Variants in STAC observed in about 807,000 individuals in gnomAD.
The protein encoded by STAC is SH3 and cysteine-rich domain-containing protein.
In STAC, 43 loss-of-function variants were observed where a neutral mutation model predicts 48.8. The ratio of observed to expected loss-of-function variants is 0.88; its 90% CI spans 0.69 to 1.14. STAC has a LOEUF of 1.14. Ranked by LOEUF, STAC falls within the 50% of genes most tolerant of loss-of-function variation. The pLI, the probability that STAC is intolerant of heterozygous loss-of-function variation, is 0.00. For missense variants in STAC, 497 were observed against 504.0 expected, an observed-to-expected ratio of 0.99 and a Z score of 0.13; for synonymous variants, 193 against 179.5, an observed-to-expected ratio of 1.07 and a Z score of -0.60.
chr3:36,443,553 C>G lies in STAC; in HGVS notation c.301C>G (p.Leu101Val). ...GACGTCCACACCCGCCAGGGCTGGT[C>G]TGCATCCAGGTGGCAAGGCTCATGC... The part of the protein sequence containing the change: ...SLTSTPARAG[L>V]HPGGKAHAFQ... Residue 101 changes from leucine to valine, a missense_variant, in exon 2 of 11, where the codon CTG becomes GTG. Physicochemically the swap from Leu to Val is conservative, Grantham distance 32. Coordinates refer to ENST00000273183, the MANE Select transcript of STAC (RefSeq NM_003149.3). This position sits in a 1 kb window ranked among gnomAD's most constrained non-coding sequence, Gnocchi z 4.2. 1 of 1,614,216 alleles carries G rather than the reference C, an allele frequency of 6.2e-7. No individual in the cohort carries two copies. Among genetic ancestry groups the G allele is most frequent in the South Asian group, 1.1e-5 (1 of 91,074 alleles).
intron 8 of STAC, among the ~76,000 whole-genome samples, chr3:36,509,263 C>G (rs139043845): frequency 4.5e-3 from 682 of 151,438 alleles, no homozygotes; most frequent in African/African-American, 0.01. Context: ...CTTCTGGCTT[C>G]TAGGGTTTCT....
rs899202766 is a variant in STAC, at chr3:36,463,431, T to G, written c.389-19561T>G. 2.6e-5 allele frequency among the ~76,000 whole-genome samples: 4 copies of G among 152,084 alleles called. 1 individual carries two copies. The highest frequency in any genetic ancestry group is 9.7e-5 in the African/African-American group (4 of 41,430). On this transcript the variant is annotated intron_variant, in intron 2 of 10. Transcript: ENST00000273183. ...TGGCTCTAAAATCCATCCAAAATCC[T>G]GAAACACAAGAAGCATACGTCTGTG...
chr3:36,469,795 T>C (rs997935241), intron 2 of STAC, among the ~76,000 whole-genome samples: 1 of 152,038 alleles, frequency 6.6e-6, no homozygotes, highest in Non-Finnish European at 1.5e-5. Context: ...CTTTGATGGA[T>C]TGGGTTAATT....
At chr3:36,411,190 TACC>T (rs1700186552) in intron 1 of STAC, among the ~76,000 whole-genome samples, 1 of 152,146 alleles carries the variant, frequency 6.6e-6, no homozygotes, top group South Asian at 2.1e-4. Context: ...TTCCAGAACA[TACC>T]ACTTCTTACC....
intron 1 of STAC, among the ~76,000 whole-genome samples, chr3:36,435,523 GAA>G (rs150618934): frequency 1.4e-5 from 2 of 147,350 alleles, no homozygotes; most frequent in Admixed American, 1.3e-4. Flanking sequence ...AAACATGACA[GAA>G]AAAAAAAACT....
intron 5 of STAC, among the ~76,000 whole-genome samples, chr3:36,487,355 C>G (rs1697841153): frequency 6.6e-6 from 1 of 152,212 alleles, no homozygotes; most frequent in African/African-American, 2.4e-5. Context: ...ATGTGGCTAT[C>G]CTCAAAGCCA....
chr3:36,431,148 G>T (rs1424750886), intron 1 of STAC, among the ~76,000 whole-genome samples: 1 of 152,116 alleles, frequency 6.6e-6, no homozygotes, highest in African/African-American at 2.4e-5. Context: ...TCAGAATCTA[G>T]AGAGCTCTAT....
chr3:36,421,580 C>T (rs998901257), intron 1 of STAC, among the ~76,000 whole-genome samples: 9 of 152,136 alleles, frequency 5.9e-5, no homozygotes, highest in Non-Finnish European at 1.2e-4. Flanking sequence ...TTTGGGTCTT[C>T]TTTCTTCATT....
chr3:36,503,556 C>T (rs1247660014), intron 6 of STAC, among the ~76,000 whole-genome samples: 3 of 152,150 alleles, frequency 2.0e-5, no homozygotes, highest in African/African-American at 7.2e-5. Context: ...GTCTCAGCCT[C>T]CCAAGTAGCT....
At chr3:36,537,861 C>G (rs973720872) in intron 10 of STAC, among the ~76,000 whole-genome samples, 31 of 150,928 alleles carry the variant, frequency 2.1e-4, no homozygotes, top group African/African-American at 7.3e-4. Flanking sequence ...ATTAAAGATC[C>G]TCCTGAAAAA....
At position 36,443,767 on chromosome 3, in the gene STAC, T is replaced by C. The variant is rs183870153; in HGVS notation, c.388+127T>C. 7 of 1,248,440 alleles carry C rather than the reference T, an allele frequency of 5.6e-6. No homozygotes were observed. Among genetic ancestry groups the C allele is most frequent in the Admixed American group, 4.4e-5 (2 of 45,428 alleles). The allele number at this position is 1,248,440 out of a possible 1,614,324, so 77.3% of individuals were successfully genotyped here. On this transcript the variant is annotated intron_variant, in intron 2 of 10. Transcript: ENST00000273183. The surrounding 1 kb of genome is among the most constrained non-coding windows in gnomAD (Gnocchi z 4.2). The stretch of plus-strand genomic sequence containing the variant: ...CAGAGATTTACATGTGGGAAGATCA[T>C]TCAGGAGTGCTTTGGGGAACAATAT...
intron 8 of STAC, among the ~76,000 whole-genome samples, chr3:36,516,763 T>G (rs1698683800): frequency 6.6e-6 from 1 of 152,172 alleles, no homozygotes; most frequent in Non-Finnish European, 1.5e-5. Flanking sequence ...CTCAGTTTTC[T>G]CCTTCCTAGG....
chr3:36,521,619 T>A (rs190825013), intron 8 of STAC, among the ~76,000 whole-genome samples: 21 of 152,222 alleles, frequency 1.4e-4, no homozygotes, highest in Non-Finnish European at 2.4e-4. Flanking sequence ...AATGTTAGCG[T>A]CTGAAGCCAC....
chr3:36,495,426 C>A (rs1385208923), intron 6 of STAC, among the ~76,000 whole-genome samples: 1 of 152,238 alleles, frequency 6.6e-6, no homozygotes, highest in Non-Finnish European at 1.5e-5. Context: ...CCACAGTTGT[C>A]TCTGCTCAGT....
At chr3:36,440,542 G>C (rs1280366336) in intron 1 of STAC, among the ~76,000 whole-genome samples, 1 of 152,216 alleles carries the variant, frequency 6.6e-6, no homozygotes. Flanking sequence ...AGGGAGGACA[G>C]AAGTATGCAA....
chr3:36,505,950 C>T, intron 8 of STAC, 116 bp downstream of exon 8: 1 of 646,430 alleles, frequency 1.5e-6, no homozygotes. Context: ...GATTCTCAAA[C>T]TTTAGCATGT....
chr3:36,507,177 T>A (rs868232374), intron 8 of STAC, among the ~76,000 whole-genome samples: 2 of 152,188 alleles, frequency 1.3e-5, no homozygotes, highest in Non-Finnish European at 2.9e-5. Context: ...ATTGAGACAA[T>A]CATGTGGTTT....
intron 1 of STAC, among the ~76,000 whole-genome samples, chr3:36,398,650 G>A (rs908990244): frequency 5.7e-5 from 5 of 88,140 alleles, no homozygotes; most frequent in South Asian, 3.6e-4. Context: ...AAGAAAGAAA[G>A]AGAAAGAAAG....
intron 2 of STAC, among the ~76,000 whole-genome samples, chr3:36,457,637 G>A (rs1186135738): frequency 6.6e-6 from 1 of 152,204 alleles, no homozygotes; most frequent in Non-Finnish European, 1.5e-5. Flanking sequence ...GAACACTGCA[G>A]ACTTCAGAAA....
Sources: gnomAD v4.1 joint callset for allele counts (sites outside exome capture counted in the v4.1 genomes callset) on GRCh38, gnomAD v4.1.1 for gene constraint, Gnocchi (gnomAD v3.1) non-coding constraint, MANE v1.5 for transcripts, NCBI Gene and HGNC (gene_info 2026-07-23, HGNC 2026-07-21) for gene names.